Variants in TRMT1L observed in about 807,000 individuals in gnomAD.
TRMT1L encodes tRNA methyltransferase 1L, also known as tRNA (guanine(27)-N(2))-dimethyltransferase.
A neutral mutation model predicts 81.6 loss-of-function variants in TRMT1L; 28 were observed. That is an observed-to-expected ratio of 0.34 (90% CI 0.25 to 0.47). The LOEUF (loss-of-function observed/expected upper bound fraction) is 0.47, where lower values mean the gene tolerates loss of function less well. Ranked by LOEUF, TRMT1L falls within the 20% of genes least tolerant of loss-of-function variation. The pLI is 1.00. For missense variants in TRMT1L, 739 were observed against 877.1 expected, an observed-to-expected ratio of 0.84 and a Z score of 1.99; for synonymous variants, 301 against 303.2, an observed-to-expected ratio of 0.99 and a Z score of 0.07.
chr1:185,143,318 A>G (rs1166255375), intron 7 of TRMT1L, 39 bp downstream of exon 7: 5 of 1,511,980 alleles, frequency 3.3e-6, no homozygotes, highest in African/African-American at 1.4e-5. Context: ...GTAAAATTGA[A>G]TAAATAAAAT....
intron 1 of TRMT1L, among the ~76,000 whole-genome samples, chr1:185,152,702 A>G (rs1172531754): frequency 6.6e-6 from 1 of 152,218 alleles, no homozygotes; most frequent in Non-Finnish European, 1.5e-5. Flanking sequence ...TGAGAAGTAA[A>G]GGTGAAGGAT....
intron 1 of TRMT1L, among the ~76,000 whole-genome samples, chr1:185,155,739 G>C (rs1035627287): frequency 1.3e-5 from 2 of 152,138 alleles, no homozygotes; most frequent in Non-Finnish European, 2.9e-5. Context: ...TTACTCATCA[G>C]TCTTTTAAAT....
At chr1:185,152,596 C>A (rs546697742) in intron 1 of TRMT1L, among the ~76,000 whole-genome samples, 20 of 152,258 alleles carry the variant, frequency 1.3e-4, no homozygotes, top group Non-Finnish European at 2.5e-4. Flanking sequence ...AGGAGGCTAT[C>A]TCTGCCAGTA....
chr1:185,140,993 A>G (rs1653024954), intron 7 of TRMT1L, among the ~76,000 whole-genome samples: 1 of 151,152 alleles, frequency 6.6e-6, no homozygotes, highest in Admixed American at 6.6e-5. Context: ...AAACAACAAA[A>G]ACAAAAACAA....
chr1:185,125,951 T>A (rs1652614865), intron 11 of TRMT1L, among the ~76,000 whole-genome samples: 1 of 152,200 alleles, frequency 6.6e-6, no homozygotes, highest in Non-Finnish European at 1.5e-5. Context: ...GAGAATTATA[T>A]GTGGTGATGG....
At position 185,123,840 on chromosome 1, in the gene TRMT1L, CAT is replaced by C; in HGVS notation, c.1822+15_1822+16del. 6.9e-7 allele frequency: 1 copy of C among 1,457,674 alleles called. No homozygotes were observed. The allele number at this position is 1,457,674 out of a possible 1,614,324, so 90.3% of individuals were successfully genotyped here. Reference sequence around the variant, plus strand: ...GACCTGATATGTACATATGTACACACATATATGCATACATACCTTGTGCAATG... The same window carrying C: ...GACCTGATATGTACATATGTACACACATATGCATACATACCTTGTGCAATG... On this transcript the variant is annotated intron_variant, in intron 13 of 14. Transcript: ENST00000367506.
At chr1:185,128,164 G>A (rs1429592606) in intron 11 of TRMT1L, among the ~76,000 whole-genome samples, 1 of 152,046 alleles carries the variant, frequency 6.6e-6, no homozygotes, top group African/African-American at 2.4e-5. Flanking sequence ...GGTACAATCA[G>A]CTGTTACCAA....
At chr1:185,140,309 TAAC>T (rs1047351695) in intron 7 of TRMT1L, 87 bp from the exon 8 acceptor site, 13 of 1,077,176 alleles carry the variant, frequency 1.2e-5, no homozygotes, top group Admixed American at 3.0e-5. Context: ...GTTTTATAAA[TAAC>T]AAATTATTTC....
intron 10 of TRMT1L, among the ~76,000 whole-genome samples, chr1:185,136,447 C>G (rs2102241834): frequency 6.6e-6 from 1 of 152,096 alleles, no homozygotes; most frequent in Middle Eastern, 3.4e-3. Flanking sequence ...CTAGAGGAAA[C>G]TAAAAGTAAG....
rs1263861799 is a variant in TRMT1L at position 185,118,977 on chromosome 1, CTT to C, written c.*1040_*1041del. On this transcript the variant is annotated 3_prime_UTR_variant, in exon 15 of 15. Transcript: ENST00000367506. Reference sequence around the variant, plus strand: ...CAAATCCTTGAGACAAAAACCCAAACTTTATACCAAATCCTTTCATCCAAAAT... The same window carrying C: ...CAAATCCTTGAGACAAAAACCCAAACTATACCAAATCCTTTCATCCAAAAT... 6.6e-6 allele frequency: 1 copy of C among 150,958 alleles called. No homozygotes were observed. Among genetic ancestry groups the C allele is most frequent in the South Asian group, 2.1e-4 (1 of 4,796 alleles). 9.4% of individuals were successfully genotyped at this position (150,958 alleles called of 1,614,324 possible).
At chr1:185,136,750 C>T (rs1028155039) in intron 10 of TRMT1L, among the ~76,000 whole-genome samples, 1 of 151,976 alleles carries the variant, frequency 6.6e-6, no homozygotes, top group Non-Finnish European at 1.5e-5. Context: ...GTATGATAGA[C>T]GTGTATGAAG....
chr1:185,128,576 A>T, intron 11 of TRMT1L, 93 bp downstream of exon 11: 1 of 1,195,564 alleles, frequency 8.4e-7, no homozygotes, highest in Non-Finnish European at 1.2e-6. Flanking sequence ...AATTGAATTT[A>T]AATTTGTCTT....
At chr1:185,155,363 T>C (rs1384180553) in intron 1 of TRMT1L, among the ~76,000 whole-genome samples, 1 of 152,186 alleles carries the variant, frequency 6.6e-6, no homozygotes, top group Non-Finnish European at 1.5e-5. Flanking sequence ...CCCACTGTAG[T>C]TGAAGAAACA....
intron 11 of TRMT1L, among the ~76,000 whole-genome samples, chr1:185,127,759 C>CAAAAAA (rs986438990): frequency 1.1e-4 from 4 of 36,434 alleles, no homozygotes; most frequent in East Asian, 9.5e-4. Context: ...AACTCTGTCT[C>CAAAAAA]AAAAAAAAAA....
At chr1:185,141,668 T>C (rs1171595262) in intron 7 of TRMT1L, among the ~76,000 whole-genome samples, 1 of 152,086 alleles carries the variant, frequency 6.6e-6, no homozygotes, top group Non-Finnish European at 1.5e-5. Context: ...GGTACCACTG[T>C]ACTCCAGCCT....
intron 10 of TRMT1L, 63 bp from the exon 11 acceptor site, chr1:185,128,810 G>T: frequency 1.5e-6 from 2 of 1,329,574 alleles, no homozygotes; most frequent in Non-Finnish European, 2.1e-6. Flanking sequence ...AGTAGTAATT[G>T]TTATATTAAT....
intron 3 of TRMT1L, among the ~76,000 whole-genome samples, chr1:185,149,480 T>G (rs1017390705): frequency 3.9e-5 from 6 of 151,936 alleles, no homozygotes; most frequent in Non-Finnish European, 8.8e-5. Context: ...TTTTTTCACT[T>G]TTTTATAGAG....
At chr1:185,154,263 A>G (rs1653436270) in intron 1 of TRMT1L, among the ~76,000 whole-genome samples, 1 of 152,178 alleles carries the variant, frequency 6.6e-6, no homozygotes, top group Non-Finnish European at 1.5e-5. Flanking sequence ...GCTCAATCAT[A>G]GCTCACTGCA....
At chr1:185,153,391 A>G (rs1653414092) in intron 1 of TRMT1L, among the ~76,000 whole-genome samples, 1 of 152,204 alleles carries the variant, frequency 6.6e-6, no homozygotes, top group Non-Finnish European at 1.5e-5. Flanking sequence ...GGAATCAGGA[A>G]TGTAGATTCA....
Sources: allele counts gnomAD v4.1 joint callset (sites outside exome capture counted in the v4.1 genomes callset), GRCh38; gene constraint gnomAD v4.1.1; transcripts MANE v1.5; gene names NCBI Gene and HGNC (gene_info 2026-07-23, HGNC 2026-07-21).